Variants in DAB2 observed in about 807,000 individuals in gnomAD.
DAB2 encodes the protein disabled homolog 2.
A neutral mutation model predicts 71.6 loss-of-function variants in DAB2; 28 were observed. That is an observed-to-expected ratio of 0.39 (90% confidence interval 0.29 to 0.54). The LOEUF is 0.54. Ranked by LOEUF, DAB2 falls within the 20% of genes least tolerant of loss-of-function variation. The probability of loss-of-function intolerance (pLI) is 0.68; values close to 1 mark genes in which losing one functional copy is unlikely to be tolerated. For synonymous variants in DAB2, 345 were observed against 339.7 expected (o/e 1.02, Z -0.17); for missense variants, 867 against 928.8 (o/e 0.93, Z 0.86).
At chr5:39,416,063 T>C (rs1201145697) in intron 1 of DAB2, among the ~76,000 whole-genome samples, 1 of 152,024 alleles carries the variant, frequency 6.6e-6, no homozygotes. Flanking sequence ...CATCATATTT[T>C]TTTTTTTACT....
chr5:39,375,222 C>T (rs1754797627), intron 13 of DAB2, 138 bp from the exon 14 acceptor site: 5 of 615,942 alleles, frequency 8.1e-6, no homozygotes, highest in South Asian at 4.2e-5. Flanking sequence ...ATGGGGCTTA[C>T]AGTGTTTTGT....
chr5:39,393,381 G>C lies in DAB2; in HGVS notation c.104C>G (p.Thr35Arg). The C allele has an allele frequency of 6.2e-7, 1 of 1,613,782 alleles. No homozygotes were observed. The change falls in exon 3 of 15, where the codon ACA becomes AGA. Residue 35 changes from threonine to arginine, a missense_variant. Thr to Arg is a moderately conservative substitution (Grantham distance 71, BLOSUM62 -1). Around this residue, in one of 2 missense-constraint regions of DAB2, gnomAD observed 127 missense variants for 194.4 expected, o/e 0.65. Coordinates refer to ENST00000320816, the MANE Select transcript of DAB2 (RefSeq NM_001343.4). Reference protein sequence around the residue: ...KKEKKKGPEKTDEYLLARFKG... With the variant: ...KKEKKKGPEKRDEYLLARFKG... ...GAACCTTGCTAAGAGATATTCATCT[G>C]TCTTTTCAGGGCCTGAGAAAAGAAA...
In DAB2 at chr5:39,389,110, C is replaced by A. The variant is rs1755165223; in HGVS notation, c.557G>T (p.Ser186Ile). 3 of 1,612,412 alleles carry A rather than the reference C, an allele frequency of 1.9e-6. No individual in the cohort carries two copies. The highest frequency in any genetic ancestry group is 2.5e-6 in the Non-Finnish European group (3 of 1,178,912). Residue 186 changes from serine (S) to isoleucine (I), a missense_variant, in exon 7 of 15, where the codon AGC becomes ATC. Ser to Ile is a moderately radical substitution (Grantham distance 142, BLOSUM62 -2). This residue lies in a region of DAB2 where 740 missense variants were observed against 734.3 expected (regional missense o/e 1.01). Coordinates refer to ENST00000320816, the MANE Select transcript of DAB2 (RefSeq NM_001343.4). ...ATGCAATTTTACCTCAACTGCTTTGCTGGCTTCCTCTATCTAAAAAGAAAG... is the reference window on the plus strand; with the variant it reads ...ATGCAATTTTACCTCAACTGCTTTGATGGCTTCCTCTATCTAAAAAGAAAG... ...EEEKKKIEEA[S>I]KAVENGSEAL...
intron 1 of DAB2, among the ~76,000 whole-genome samples, chr5:39,398,813 T>A (rs2112074636): frequency 6.6e-6 from 1 of 152,348 alleles, no homozygotes; most frequent in Admixed American, 6.5e-5. Context: ...ACTTGTCAAA[T>A]AGGCAAGTTA....
At chr5:39,377,585 C>T (rs1037194300) in intron 11 of DAB2, among the ~76,000 whole-genome samples, 1 of 152,164 alleles carries the variant, frequency 6.6e-6, no homozygotes, top group African/African-American at 2.4e-5. Flanking sequence ...AAAATAAGCC[C>T]TTATCATACA....
intron 1 of DAB2, among the ~76,000 whole-genome samples, chr5:39,418,581 G>A (rs1755902385): frequency 6.6e-6 from 1 of 152,146 alleles, no homozygotes; most frequent in Non-Finnish European, 1.5e-5. Flanking sequence ...GGACTTAACT[G>A]CCCTGCTCAG....
intron 1 of DAB2, among the ~76,000 whole-genome samples, chr5:39,409,156 T>C (rs1579923709): frequency 6.6e-6 from 1 of 151,150 alleles, no homozygotes; most frequent in Non-Finnish European, 1.5e-5. Context: ...TCTAAAAAGC[T>C]GCTGCAGATT....
chr5:39,406,850 T>TA (rs1160142798), intron 1 of DAB2, among the ~76,000 whole-genome samples: 9 of 152,116 alleles, frequency 5.9e-5, no homozygotes, highest in Admixed American at 1.3e-4. Context: ...GTTTTAATAT[T>TA]AAAAAAAACT....
chr5:39,377,295 G>A lies in DAB2; in HGVS notation c.1505-13C>T, dbSNP rs1256858382. On this transcript the variant is annotated splice_polypyrimidine_tract_variant and intron_variant, in intron 11 of 14. Transcript: ENST00000320816. ...ACAGTTACACCACCTGAAGTAAGAG[G>A]AAGAAAAATACTTATCAGGAGTCAA... 2 of 1,598,684 alleles carry A rather than the reference G, an allele frequency of 1.3e-6. No individual in the cohort carries two copies. Among genetic ancestry groups the A allele is most frequent in the Admixed American group, 1.7e-5 (1 of 57,332 alleles).
chr5:39,413,591 G>C (rs925629204), intron 1 of DAB2, among the ~76,000 whole-genome samples: 6 of 152,130 alleles, frequency 3.9e-5, no homozygotes, highest in African/African-American at 1.4e-4. Flanking sequence ...GTATGAAGCA[G>C]AATGTATTAA....
intron 5 of DAB2, 35 bp downstream of exon 5, chr5:39,390,409 A>T: frequency 6.2e-7 from 1 of 1,601,402 alleles, no homozygotes; most frequent in Non-Finnish European, 8.5e-7. Context: ...CACAGAGGAC[A>T]AGTCCCCAGG....
chr5:39,382,649 G>A lies in DAB2; in HGVS notation c.1310C>T (p.Thr437Ile), dbSNP rs143087544. The change falls in exon 10 of 15, where the codon ACC becomes ATC. Residue 437 changes from threonine to isoleucine, a missense_variant. By Grantham distance (89) the Thr-to-Ile change is moderately conservative. Coordinates refer to ENST00000320816, the MANE Select transcript of DAB2 (RefSeq NM_001343.4). ...AGTCCTTCTGCCTCTTCCTGGTTTG[G>A]TACTTTGTGGAGGTGGGATAATGGC... ...SIAIIPPPQS[T>I]KPGRGRRTAK... 2.7e-5 allele frequency: 43 copies of A among 1,613,888 alleles called. No homozygotes were observed. Among genetic ancestry groups the A allele is most frequent in the Non-Finnish European group, 3.3e-5 (39 of 1,179,934 alleles).
At chr5:39,389,579 C>T (rs957298239) in intron 6 of DAB2, among the ~76,000 whole-genome samples, 4 of 152,254 alleles carry the variant, frequency 2.6e-5, no homozygotes, top group South Asian at 4.1e-4. Flanking sequence ...GGCACCATCT[C>T]GGCTGACTGC....
chr5:39,388,118 A>G, intron 9 of DAB2, 187 bp downstream of exon 9: 1 of 560,428 alleles, frequency 1.8e-6, no homozygotes, highest in Non-Finnish European at 3.2e-6. Context: ...ATATAACTGA[A>G]TTAGTGTGGA....
intron 13 of DAB2, 57 bp from the exon 14 acceptor site, chr5:39,375,141 C>T (rs369280292): frequency 2.8e-4 from 376 of 1,321,740 alleles, no homozygotes; most frequent in African/African-American, 2.7e-3. Flanking sequence ...AGAAAAAAAT[C>T]GCAATGAAGA....
chr5:39,376,036 G>A lies in DAB2; in HGVS notation c.2208C>T (p.Asn736=), dbSNP rs1472381052. 9 of 1,613,926 alleles carry A rather than the reference G, an allele frequency of 5.6e-6. No homozygotes were observed. The Admixed American group carries it at 1.3e-4, about 24-fold the overall frequency. Reference sequence around the variant, plus strand: ...AACCAAAAGAATCTTTAAAGAAAGGGTTCTCAAATGCATTGTCAGTAGATT... The same window carrying A: ...AACCAAAAGAATCTTTAAAGAAAGGATTCTCAAATGCATTGTCAGTAGATT... The part of the protein sequence containing the change: ...VTKSTDNAFE[N]PFFKDSFGSS... The change falls in exon 13 of 15, where the codon AAC becomes AAT. Residue 736 remains asparagine, a synonymous_variant. Transcript: ENST00000320816.
At chr5:39,388,878 AT>A (rs1387000060) in intron 7 of DAB2, 26 bp from the exon 8 acceptor site, 1 of 1,590,774 alleles carries the variant, frequency 6.3e-7, no homozygotes, top group Non-Finnish European at 8.6e-7. Context: ...ATATTTAAGG[AT>A]TTAGTTGAGC....
At chr5:39,391,953 T>C (rs1755236822) in intron 4 of DAB2, among the ~76,000 whole-genome samples, 1 of 103,324 alleles carries the variant, frequency 9.7e-6, no homozygotes, top group Non-Finnish European at 2.0e-5. Context: ...TCTAGTTCTG[T>C]ATACCCGAGG....
At chr5:39,397,374 T>A (rs1579914995) in intron 1 of DAB2, among the ~76,000 whole-genome samples, 1 of 152,200 alleles carries the variant, frequency 6.6e-6, no homozygotes, top group South Asian at 2.1e-4. Context: ...GCAAGCTTTA[T>A]AAACTTTGAT....
Sources: allele counts gnomAD v4.1 joint callset (sites outside exome capture counted in the v4.1 genomes callset), GRCh38; gene constraint gnomAD v4.1.1; regional missense constraint gnomAD v4.1.1; transcripts MANE v1.5; gene names NCBI Gene and HGNC (gene_info 2026-07-23, HGNC 2026-07-21).